Variants in ZBTB20 observed in about 807,000 individuals in gnomAD.
ZBTB20 encodes the protein zinc finger and BTB domain-containing protein 20.
ZBTB20 carries 9 observed loss-of-function variants against 56.9 expected under a neutral mutation model. The ratio of observed to expected loss-of-function variants is 0.16; its 90% CI spans 0.10 to 0.28. The LOEUF (loss-of-function observed/expected upper bound fraction) is 0.28. Among genes scored for constraint, ZBTB20 ranks in the 10% least tolerant of loss-of-function variants. The pLI is 1.00. For missense variants in ZBTB20, 655 were observed against 1,003.0 expected (o/e 0.65, Z 4.69); for synonymous variants, 417 against 420.7 (o/e 0.99, Z 0.11).
chr3:114,895,849 G>A (rs1257975353), intron 4 of ZBTB20, among the ~76,000 whole-genome samples: 1 of 152,048 alleles, frequency 6.6e-6, no homozygotes, highest in Non-Finnish European at 1.5e-5. Context: ...CTATACATAG[G>A]AAAGCTTGAG....
At chr3:114,380,440 C>T in intron 9 of ZBTB20, 36 bp from the exon 10 acceptor site, 1 of 1,475,152 alleles carries the variant, frequency 6.8e-7, no homozygotes, top group Non-Finnish European at 8.9e-7. Context: ...AAGGAACTGA[C>T]TGCATATTTG....
At chr3:114,499,791 A>AGGT (rs1313688678) in intron 7 of ZBTB20, among the ~76,000 whole-genome samples, 1 of 151,936 alleles carries the variant, frequency 6.6e-6, no homozygotes, top group Non-Finnish European at 1.5e-5. Flanking sequence ...ACCTTTATAA[A>AGGT]CCTTCTGGCA....
At chr3:114,812,477 C>G (rs1338465310) in intron 4 of ZBTB20, among the ~76,000 whole-genome samples, 1 of 151,996 alleles carries the variant, frequency 6.6e-6, no homozygotes, top group African/African-American at 2.4e-5. Context: ...TACAGAGTGC[C>G]GATTGGTGTA....
intron 5 of ZBTB20, among the ~76,000 whole-genome samples, chr3:114,798,348 A>ACAAAAAAC (rs1330903802): frequency 4.5e-5 from 3 of 67,178 alleles, no homozygotes; most frequent in African/African-American, 8.3e-5. Context: ...AAACAAAAAA[A>ACAAAAAAC]CAAAAAAAAA....
At chr3:114,846,067 A>G (rs1402024611) in intron 4 of ZBTB20, among the ~76,000 whole-genome samples, 1 of 152,198 alleles carries the variant, frequency 6.6e-6, no homozygotes, top group Non-Finnish European at 1.5e-5. Flanking sequence ...TGGTTAGATA[A>G]ACACACAAGA....
intron 4 of ZBTB20, among the ~76,000 whole-genome samples, chr3:114,873,632 G>C (rs185188468): frequency 1.3e-5 from 2 of 152,074 alleles, no homozygotes; most frequent in South Asian, 4.1e-4. Context: ...TAACACAAAA[G>C]GTTCTGAAAA....
chr3:114,816,466 G>T (rs2072926631), intron 4 of ZBTB20, among the ~76,000 whole-genome samples: 1 of 152,112 alleles, frequency 6.6e-6, no homozygotes, highest in African/African-American at 2.4e-5. Flanking sequence ...ACAGGGACAG[G>T]TATTGTGGTC....
At chr3:114,360,157 T>C (rs369208760) in intron 10 of ZBTB20, among the ~76,000 whole-genome samples, 2 of 151,884 alleles carry the variant, frequency 1.3e-5, no homozygotes, top group East Asian at 1.9e-4. Context: ...TCCCAATTCA[T>C]AGAACTTCCT....
chr3:114,860,064 T>C (rs995984971), intron 4 of ZBTB20, among the ~76,000 whole-genome samples: 2 of 152,156 alleles, frequency 1.3e-5, no homozygotes, highest in African/African-American at 4.8e-5. Context: ...ATCCTAGCAC[T>C]TTGGGAGGCC....
intron 3 of ZBTB20, among the ~76,000 whole-genome samples, chr3:114,969,721 A>G (rs2077793860): frequency 6.6e-6 from 1 of 152,214 alleles, no homozygotes; most frequent in African/African-American, 2.4e-5. Flanking sequence ...ATATTCAGTT[A>G]TAAGAAAGTA....
chr3:114,759,197 A>G (rs2068257566), intron 5 of ZBTB20: 1 of 152,084 alleles, frequency 6.6e-6, no homozygotes, highest in Non-Finnish European at 1.5e-5. Flanking sequence ...TGTCAGGGTG[A>G]TTTGTTAGCT....
intron 1 of ZBTB20, among the ~76,000 whole-genome samples, chr3:115,142,801 A>G (rs2084853672): frequency 6.6e-6 from 1 of 152,204 alleles, no homozygotes; most frequent in Non-Finnish European, 1.5e-5. Flanking sequence ...AAACTGCTCT[A>G]AAGTGCATTA....
chr3:114,614,225 A>G (rs1346363889), intron 6 of ZBTB20, among the ~76,000 whole-genome samples: 1 of 152,212 alleles, frequency 6.6e-6, no homozygotes, highest in Non-Finnish European at 1.5e-5. Flanking sequence ...TTCTTACCAG[A>G]GCAGTAGCCA....
intron 2 of ZBTB20, among the ~76,000 whole-genome samples, chr3:115,042,275 G>A (rs1294651129): frequency 6.6e-6 from 1 of 152,134 alleles, no homozygotes; most frequent in African/African-American, 2.4e-5. Context: ...TATACTCTAT[G>A]CCATCAGGGA....
intron 5 of ZBTB20, among the ~76,000 whole-genome samples, chr3:114,753,622 C>G (rs767804506): frequency 1.2e-4 from 18 of 151,540 alleles, no homozygotes; most frequent in Non-Finnish European, 1.6e-4. Flanking sequence ...TTAATAGAGA[C>G]GGGGTTTTGC....
chr3:114,964,205 G>A (rs1171146602), intron 3 of ZBTB20, among the ~76,000 whole-genome samples: 1 of 151,892 alleles, frequency 6.6e-6, no homozygotes, highest in Non-Finnish European at 1.5e-5. Flanking sequence ...ACCTGAGGTC[G>A]GGAGTTCAAA....
intron 1 of ZBTB20, among the ~76,000 whole-genome samples, chr3:115,079,908 T>C (rs1281144795): frequency 3.3e-5 from 5 of 152,194 alleles, no homozygotes; most frequent in Non-Finnish European, 7.3e-5. Context: ...TACAATGTGC[T>C]GGGGAAAATA....
At chr3:114,613,285 G>C (rs2057692152) in intron 6 of ZBTB20, among the ~76,000 whole-genome samples, 1 of 152,182 alleles carries the variant, frequency 6.6e-6, no homozygotes, top group African/African-American at 2.4e-5. Flanking sequence ...TGAATAGGAT[G>C]GCCTAGGTGT....
chr3:115,141,873 C>T (rs1310315058), intron 1 of ZBTB20, among the ~76,000 whole-genome samples: 1 of 152,134 alleles, frequency 6.6e-6, no homozygotes, highest in Non-Finnish European at 1.5e-5. Flanking sequence ...GTCATGCTTA[C>T]TTTATTACTA....
Sources: gnomAD v4.1 joint callset for allele counts (sites outside exome capture counted in the v4.1 genomes callset) on GRCh38, gnomAD v4.1.1 for gene constraint, MANE v1.5 for transcripts, NCBI Gene and HGNC (gene_info 2026-07-23, HGNC 2026-07-21) for gene names.